The following IGF2BP2 variants were observed in gnomAD, a reference collection of about 807,000 sequenced individuals.
IGF2BP2 encodes insulin like growth factor 2 mRNA binding protein 2.
Under a neutral mutation model 75.8 loss-of-function variants are expected in IGF2BP2, and 17 were observed. The ratio of observed to expected loss-of-function variants is 0.22; its 90% CI spans 0.15 to 0.34. IGF2BP2 has a LOEUF of 0.34. Among genes scored for constraint, IGF2BP2 ranks in the 10% least tolerant of loss-of-function variants. IGF2BP2 has a pLI of 1.00. For synonymous variants in IGF2BP2, 288 were observed against 295.6 expected (o/e 0.97, Z 0.26); for missense variants, 516 against 772.4 (o/e 0.67, Z 3.93).
chr3:185,722,170 G>A (rs1405180710), intron 2 of IGF2BP2: 1 of 448,142 alleles, frequency 2.2e-6, no homozygotes, highest in African/African-American at 2.0e-5. Flanking sequence ...CTGGCCTCAA[G>A]CAATCTTCCC....
intron 2 of IGF2BP2, among the ~76,000 whole-genome samples, chr3:185,740,122 A>C (rs1280636050): frequency 6.6e-6 from 1 of 152,156 alleles, no homozygotes; most frequent in East Asian, 1.9e-4. Context: ...TGCTGGGATT[A>C]AAGGTGTGAG....
intron 2 of IGF2BP2, among the ~76,000 whole-genome samples, chr3:185,730,922 C>T (rs530791125): frequency 2.2e-4 from 34 of 152,256 alleles, no homozygotes; most frequent in Middle Eastern, 3.4e-3. Context: ...GCCATTCTGA[C>T]TGGTATAAGA....
chr3:185,808,759 G>T (rs1360015366), intron 2 of IGF2BP2, among the ~76,000 whole-genome samples: 1 of 150,730 alleles, frequency 6.6e-6, no homozygotes, highest in Non-Finnish European at 1.5e-5. Context: ...GTAGAGATGG[G>T]GTTTTGCCAT....
chr3:185,808,113 C>CT (rs749958899), intron 2 of IGF2BP2, among the ~76,000 whole-genome samples: 57 of 126,572 alleles, frequency 4.5e-4, no homozygotes, highest in Admixed American at 2.9e-3. Context: ...GACCTCGTTT[C>CT]TTTTAAAAAA....
intron 2 of IGF2BP2, among the ~76,000 whole-genome samples, chr3:185,754,727 T>C (rs1560416546): frequency 6.6e-6 from 1 of 152,202 alleles, no homozygotes; most frequent in South Asian, 2.1e-4. Context: ...AAAAGTCACC[T>C]GCATTACATC....
At chr3:185,722,308 C>T in intron 2 of IGF2BP2, 1 of 454,190 alleles carries the variant, frequency 2.2e-6, no homozygotes, top group South Asian at 1.6e-5. Flanking sequence ...GGATATGCCA[C>T]TGCAGAGAGA....
chr3:185,764,578 G>A (rs1270379985), intron 2 of IGF2BP2, among the ~76,000 whole-genome samples: 2 of 152,210 alleles, frequency 1.3e-5, no homozygotes, highest in African/African-American at 4.8e-5. Flanking sequence ...AGGAAGGGGA[G>A]TCTTGTCTTG....
chr3:185,795,285 T>C (rs1312717911), intron 2 of IGF2BP2, among the ~76,000 whole-genome samples: 2 of 152,218 alleles, frequency 1.3e-5, no homozygotes, highest in African/African-American at 4.8e-5. Context: ...CTCATCCATG[T>C]GGTAACATGT....
chr3:185,686,988 T>C, intron 7 of IGF2BP2, 69 bp downstream of exon 7: 1 of 1,547,086 alleles, frequency 6.5e-7, no homozygotes, highest in Non-Finnish European at 8.8e-7. Context: ...AAAAAACCTC[T>C]TGGGTTAAAT....
At chr3:185,651,843 A>G (rs1435072769) in intron 13 of IGF2BP2, among the ~76,000 whole-genome samples, 1 of 152,210 alleles carries the variant, frequency 6.6e-6, no homozygotes. Context: ...GAGGTGCCAG[A>G]GCAGGGGCCA....
At chr3:185,721,157 T>C (rs967427179) in intron 2 of IGF2BP2, among the ~76,000 whole-genome samples, 7 of 152,182 alleles carry the variant, frequency 4.6e-5, no homozygotes, top group Non-Finnish European at 1.0e-4. Context: ...ATGACACACA[T>C]GAAGGAGAGG....
At chr3:185,761,867 C>T (rs2149697293) in intron 2 of IGF2BP2, among the ~76,000 whole-genome samples, 1 of 152,276 alleles carries the variant, frequency 6.6e-6, no homozygotes, top group South Asian at 2.1e-4. Flanking sequence ...AATAACAGTC[C>T]CTGCATTCGA....
chr3:185,666,936 T>C (rs954289488), intron 10 of IGF2BP2, among the ~76,000 whole-genome samples: 4 of 152,220 alleles, frequency 2.6e-5, no homozygotes, highest in Non-Finnish European at 5.9e-5. Context: ...TTCCAATCTT[T>C]TCTTTGATTT....
intron 5 of IGF2BP2, among the ~76,000 whole-genome samples, chr3:185,690,989 C>T (rs578076118): frequency 6.6e-6 from 1 of 152,204 alleles, no homozygotes; most frequent in South Asian, 2.1e-4. Flanking sequence ...GTAGAGAGGT[C>T]CACCCAAGCA....
intron 2 of IGF2BP2, among the ~76,000 whole-genome samples, chr3:185,752,572 G>A (rs1295719332): frequency 1.3e-5 from 2 of 152,032 alleles, no homozygotes; most frequent in Non-Finnish European, 2.9e-5. Context: ...AGGGCCTAAA[G>A]GTAGTAAGAG....
rs770964665 is a variant in IGF2BP2, at chr3:185,698,277, T to C, written c.288+22A>G. 4.4e-6 allele frequency: 7 copies of C among 1,606,350 alleles called. No homozygotes were observed. The South Asian group carries it at 6.6e-5, about 15-fold the overall frequency. On this transcript the variant is annotated intron_variant, in intron 3 of 15. Transcript: ENST00000382199. ...AAGGGAGAAATGTCTCATCAACCCATTAAAAATTGACACTGGCTTACCTCC... is the reference window on the plus strand; with the variant it reads ...AAGGGAGAAATGTCTCATCAACCCACTAAAAATTGACACTGGCTTACCTCC...
At chr3:185,676,487 G>A (rs1465871364) in intron 7 of IGF2BP2, among the ~76,000 whole-genome samples, 1 of 151,950 alleles carries the variant, frequency 6.6e-6, no homozygotes, top group Non-Finnish European at 1.5e-5. Context: ...GACCAGCCTC[G>A]GCAACATACT....
chr3:185,736,165 G>A (rs1409619298), intron 2 of IGF2BP2, among the ~76,000 whole-genome samples: 1 of 152,142 alleles, frequency 6.6e-6, no homozygotes, highest in Non-Finnish European at 1.5e-5. Context: ...TCCTGCACCT[G>A]GTTGAAGCTG....
chr3:185,706,341 G>A (rs1051794647), intron 2 of IGF2BP2, among the ~76,000 whole-genome samples: 2 of 152,238 alleles, frequency 1.3e-5, no homozygotes, highest in Non-Finnish European at 2.9e-5. Context: ...GGTCAAGGCT[G>A]CTGAAAGCTG....
Sources: gnomAD v4.1 joint callset for allele counts (sites outside exome capture counted in the v4.1 genomes callset) on GRCh38, gnomAD v4.1.1 for gene constraint, MANE v1.5 for transcripts, NCBI Gene and HGNC (gene_info 2026-07-23, HGNC 2026-07-21) for gene names.